SMAP1: variants seen among roughly 807,000 people sequenced by gnomAD.
SMAP1 encodes small ArfGAP 1.
A neutral mutation model predicts 58.5 loss-of-function variants in SMAP1; 24 were observed. The observed-to-expected ratio is 0.41, with a 90% confidence interval of 0.30 to 0.58. SMAP1 has a LOEUF of 0.58. SMAP1 is among the 20% of genes least tolerant of loss of function. SMAP1 has a pLI of 0.29. For synonymous variants in SMAP1, 216 were observed against 196.6 expected, an observed-to-expected ratio of 1.10 and a Z score of -0.82; for missense variants, 563 against 566.3, an observed-to-expected ratio of 0.99 and a Z score of 0.06.
intron 1 of SMAP1, among the ~76,000 whole-genome samples, chr6:70,712,368 C>T (rs189461842): frequency 5.1e-4 from 77 of 152,298 alleles, no homozygotes; most frequent in African/African-American, 1.6e-3. Flanking sequence ...AATGTGTGCT[C>T]ATCAGAGATA....
chr6:70,802,791 T>G (rs1441938625), intron 6 of SMAP1, among the ~76,000 whole-genome samples: 1 of 152,246 alleles, frequency 6.6e-6, no homozygotes, highest in Non-Finnish European at 1.5e-5. Context: ...TGGTTCTGTT[T>G]ATGTGATGGA....
chr6:70,672,426 G>A (rs1460955493), intron 1 of SMAP1, among the ~76,000 whole-genome samples: 2 of 152,118 alleles, frequency 1.3e-5, no homozygotes, highest in African/African-American at 2.4e-5. Flanking sequence ...GTCTTTTCAA[G>A]GGAAATAATT....
At chr6:70,750,209 C>G (rs1037341504) in intron 2 of SMAP1, among the ~76,000 whole-genome samples, 2 of 152,068 alleles carry the variant, frequency 1.3e-5, no homozygotes, top group Non-Finnish European at 1.5e-5. Context: ...TGGAGATGCC[C>G]TGTTGACATA....
chr6:70,851,129 G>T (rs1473679531), intron 7 of SMAP1, among the ~76,000 whole-genome samples: 1 of 152,064 alleles, frequency 6.6e-6, no homozygotes, highest in Non-Finnish European at 1.5e-5. Context: ...TGATATCACT[G>T]AAAATGACTT....
chr6:70,752,068 A>G (rs1383890604), intron 2 of SMAP1, among the ~76,000 whole-genome samples: 1 of 152,212 alleles, frequency 6.6e-6, no homozygotes, highest in Non-Finnish European at 1.5e-5. Flanking sequence ...CACTTATAGC[A>G]TCTTCTGTCT....
chr6:70,838,563 G>T (rs1770688756), intron 7 of SMAP1, among the ~76,000 whole-genome samples: 1 of 152,184 alleles, frequency 6.6e-6, no homozygotes, highest in African/African-American at 2.4e-5. Flanking sequence ...GAGCAAAGAG[G>T]TGAAGAAGGT....
In SMAP1 at chr6:70,796,219, T is replaced by C. The variant is rs144882382; in HGVS notation, c.496-2438T>C. ...GTGAGGATTAAAAGAGCCAAAACAG[T>C]GCCTGGCACATAGTAACGGTTCAGA... On this transcript the variant is annotated intron_variant, in intron 5 of 10. Coordinates refer to ENST00000370455, the MANE Select transcript of SMAP1 (RefSeq NM_001044305.3). Among the ~76,000 whole-genome samples the C allele has an allele frequency of 5.5e-3, 833 of 152,308 alleles. 10 individuals carry two copies. Among genetic ancestry groups the C allele is most frequent in the African/African-American group, 0.019 (790 of 41,574 alleles).
At chr6:70,855,050 T>TATACATATACATATACATATA (rs1554210637) in intron 8 of SMAP1, among the ~76,000 whole-genome samples, 3 of 124,378 alleles carry the variant, frequency 2.4e-5, no homozygotes, top group African/African-American at 6.3e-5. Context: ...TCCTGTTCTT[T>TATACATATACATATACATATA]CATATACATA....
chr6:70,770,042 C>G (rs1159720676), intron 3 of SMAP1, among the ~76,000 whole-genome samples: 1 of 151,380 alleles, frequency 6.6e-6, no homozygotes, highest in Non-Finnish European at 1.5e-5. Flanking sequence ...GAAATTCTGG[C>G]TTGAAAATTC....
intron 2 of SMAP1, among the ~76,000 whole-genome samples, chr6:70,749,269 C>G (rs1279229888): frequency 1.3e-5 from 2 of 152,144 alleles, no homozygotes; most frequent in African/African-American, 4.8e-5. Flanking sequence ...CATGGGGGAA[C>G]AGATCCCCAT....
At chr6:70,841,233 G>A (rs568768677) in intron 7 of SMAP1, among the ~76,000 whole-genome samples, 77 of 152,314 alleles carry the variant, frequency 5.1e-4, no homozygotes, top group African/African-American at 1.8e-3. Flanking sequence ...TGTGACCTTA[G>A]AGGTTTCATT....
intron 6 of SMAP1, among the ~76,000 whole-genome samples, chr6:70,823,281 A>G (rs1769971621): frequency 1.3e-5 from 2 of 152,164 alleles, no homozygotes; most frequent in South Asian, 2.1e-4. Flanking sequence ...GAAGTGTTCT[A>G]TAATCCTGTG....
chr6:70,845,178 AT>A lies in SMAP1; in HGVS notation c.665-7356del, dbSNP rs5877263. On this transcript the variant is annotated intron_variant, in intron 7 of 10. Transcript: ENST00000370455. ...ATAAAATCTCATGTTGCTCTTTGAC[AT>A]TTTTTCTTATTTGTGCAAATAGATT... Among the ~76,000 whole-genome samples the A allele has an allele frequency of 5.7e-3, 870 of 152,268 alleles. 37 individuals carry two copies. The East Asian group carries it at 0.095, about 17-fold the overall frequency.
intron 5 of SMAP1, among the ~76,000 whole-genome samples, chr6:70,795,571 A>AC (rs1768570300): frequency 1.3e-5 from 2 of 152,166 alleles, no homozygotes; most frequent in Admixed American, 1.3e-4. Context: ...TGAAGGTTTC[A>AC]TCCTCATGAC....
intron 3 of SMAP1, among the ~76,000 whole-genome samples, chr6:70,763,130 T>TTTTTTTTTG (rs1554198497): frequency 7.2e-6 from 1 of 138,742 alleles, no homozygotes; most frequent in African/African-American, 2.8e-5. Flanking sequence ...TTTTTTTTTT[T>TTTTTTTTTG]ACGAATTGAA....
intron 1 of SMAP1, among the ~76,000 whole-genome samples, chr6:70,708,709 T>G (rs1767937825): frequency 6.6e-6 from 1 of 152,238 alleles, no homozygotes; most frequent in Non-Finnish European, 1.5e-5. Flanking sequence ...ATTTATCTGA[T>G]GACTAATGAT....
At chr6:70,758,760 T>C (rs1423328604) in intron 3 of SMAP1, among the ~76,000 whole-genome samples, 2 of 152,090 alleles carry the variant, frequency 1.3e-5, no homozygotes, top group Admixed American at 6.6e-5. Flanking sequence ...TTGGGAAAGC[T>C]ACATTAAGAT....
intron 7 of SMAP1, among the ~76,000 whole-genome samples, chr6:70,840,331 T>G (rs931813913): frequency 6.6e-6 from 1 of 152,228 alleles, no homozygotes; most frequent in Non-Finnish European, 1.5e-5. Context: ...TGTAACCCAG[T>G]AACTCAGGTA....
At chr6:70,819,555 C>T (rs1769795441) in intron 6 of SMAP1, among the ~76,000 whole-genome samples, 1 of 152,090 alleles carries the variant, frequency 6.6e-6, no homozygotes. Flanking sequence ...TGGAGCGTTT[C>T]AGTCTCCCTT....
Sources: gnomAD v4.1 joint callset for allele counts (sites outside exome capture counted in the v4.1 genomes callset) on GRCh38, gnomAD v4.1.1 for gene constraint, MANE v1.5 for transcripts, NCBI Gene and HGNC (gene_info 2026-07-23, HGNC 2026-07-21) for gene names.